SCN10A: variants seen among roughly 807,000 people sequenced by gnomAD.
SCN10A encodes sodium channel protein type 10 subunit alpha.
SCN10A carries 162 observed loss-of-function variants against 170.7 expected under a neutral mutation model. The observed-to-expected ratio is 0.95, with a 90% CI of 0.84 to 1.08. The LOEUF is 1.08. Among genes scored for constraint, SCN10A ranks in the 50% least tolerant of loss-of-function variants. The pLI is 0.00. For missense variants in SCN10A, 2,527 were observed against 2,436.9 expected (o/e 1.04, Z -0.78); for synonymous variants, 985 against 904.6 (o/e 1.09, Z -1.59).
At chr3:38,737,128 G>A (rs1185324566) in intron 15 of SCN10A, among the ~76,000 whole-genome samples, 7 of 149,378 alleles carry the variant, frequency 4.7e-5, no homozygotes, top group African/African-American at 1.0e-4. Flanking sequence ...CCGCCACCGT[G>A]CCCGGCTAAT....
Position 38,761,236 on chromosome 3 carries a change from T to A in SCN10A, c.839A>T (p.Asp280Val). 1 of 1,609,854 alleles carries A rather than the reference T, an allele frequency of 6.2e-7. No individual in the cohort carries two copies. Residue 280 changes from aspartate to valine, a missense_variant, in exon 7 of 28, where the codon GAC (aspartate) becomes GTC (valine). By Grantham distance (152) the Asp-to-Val change is radical (BLOSUM62 -3). Transcript: ENST00000449082. ...GTTGGTTGTCTCATTGACAGCCATG[T>A]CATTCTTGACACATTTATTTTTGAG... ...GNLKNKCVKN[D>V]MAVNETTNYS...
intron 17 of SCN10A, 53 bp downstream of exon 17, chr3:38,726,553 G>C: frequency 7.0e-7 from 1 of 1,418,992 alleles, no homozygotes; most frequent in Non-Finnish European, 9.6e-7. Context: ...TGTCACTCAA[G>C]CCCTGAAGCC....
intron 3 of SCN10A, among the ~76,000 whole-genome samples, chr3:38,789,702 G>A (rs2064255639): frequency 6.6e-6 from 1 of 152,080 alleles, no homozygotes; most frequent in Non-Finnish European, 1.5e-5. Context: ...GGCTGGAGTG[G>A]AGAACTCTGA....
At chr3:38,792,201 A>G in intron 2 of SCN10A, 33 bp from the exon 3 acceptor site, 1 of 1,609,464 alleles carries the variant, frequency 6.2e-7, no homozygotes, top group Non-Finnish European at 8.5e-7. Context: ...GTGGACCTCC[A>G]ATGAGAAACA....
At chr3:38,794,145 C>T in intron 1 of SCN10A, 103 bp from the exon 2 acceptor site, 1 of 795,366 alleles carries the variant, frequency 1.3e-6, no homozygotes, top group Non-Finnish European at 2.0e-6. Context: ...TTCTCCCACC[C>T]TCATATCTGG....
intron 1 of SCN10A, among the ~76,000 whole-genome samples, chr3:38,802,994 T>A (rs1429893225): frequency 2.0e-5 from 3 of 152,080 alleles, no homozygotes; most frequent in Non-Finnish European, 4.4e-5. Flanking sequence ...GCAAAGGATA[T>A]GAACAGATAC....
intron 10 of SCN10A, among the ~76,000 whole-genome samples, chr3:38,756,357 A>C (rs928068269): frequency 6.6e-6 from 1 of 151,464 alleles, no homozygotes; most frequent in African/African-American, 2.4e-5. Flanking sequence ...GGTACAGGTC[A>C]TGCCCCAGAG....
rs56654680 is a variant in SCN10A at position 38,750,889 on chromosome 3, A to G, written c.1756-705T>C. 2.0e-5 allele frequency among the ~76,000 whole-genome samples: 3 copies of G among 152,216 alleles called. No homozygotes were observed. In the East Asian group the frequency reaches 5.8e-4, roughly 29 times the overall value. On this transcript the variant is annotated intron_variant, in intron 12 of 27. Coordinates refer to ENST00000449082, the MANE Select transcript of SCN10A (RefSeq NM_006514.4). ...GAGGCATAAATGCCTTCAGTGAGGC[A>G]TTTTCTAGAGTGCTAATGCACTCCC...
intron 26 of SCN10A, among the ~76,000 whole-genome samples, chr3:38,706,582 G>A (rs1247595332): frequency 6.6e-6 from 1 of 152,130 alleles, no homozygotes; most frequent in African/African-American, 2.4e-5. Context: ...CTATCTTAGG[G>A]CCTCTCAGAG....
At chr3:38,727,559 G>T (rs751799865) in intron 16 of SCN10A, among the ~76,000 whole-genome samples, 1 of 152,204 alleles carries the variant, frequency 6.6e-6, no homozygotes, top group Non-Finnish European at 1.5e-5. Context: ...GGGATGGTGG[G>T]CTCAGCCTGG....
chr3:38,776,173 G>A (rs1288323607), intron 4 of SCN10A, among the ~76,000 whole-genome samples: 3 of 152,044 alleles, frequency 2.0e-5, no homozygotes, highest in Non-Finnish European at 4.4e-5. Context: ...ATTATTCATT[G>A]TCATGGCTCC....
rs1362320697 is a variant in SCN10A, at chr3:38,756,818, G to C, written c.1146C>G (p.Phe382Leu). Reference sequence around the variant, plus strand: ...AGTTGACCAGGTAGAAAGATCCCAGGAAGATTACGAGCACAAAAAAGATCA... The same window carrying C: ...AGTTGACCAGGTAGAAAGATCCCAGCAAGATTACGAGCACAAAAAAGATCA... The part of the protein sequence containing the change: ...IYMIFFVLVI[F>L]LGSFYLVNLI... Residue 382 changes from phenylalanine to leucine, a missense_variant, in exon 10 of 28, where the codon TTC becomes TTG. Coordinates refer to ENST00000449082, the MANE Select transcript of SCN10A (RefSeq NM_006514.4). 1 of 1,614,190 alleles carries C rather than the reference G, an allele frequency of 6.2e-7. No individual in the cohort carries two copies. Among genetic ancestry groups the C allele is most frequent in the Admixed American group, 1.7e-5 (1 of 60,022 alleles).
intron 19 of SCN10A, among the ~76,000 whole-genome samples, chr3:38,722,979 C>T (rs940632888): frequency 6.6e-6 from 1 of 152,240 alleles, no homozygotes; most frequent in Non-Finnish European, 1.5e-5. Flanking sequence ...ATGTGCCTCA[C>T]TGTTCTAAAC....
At chr3:38,752,192 G>T in intron 12 of SCN10A, 27 bp downstream of exon 12, 1 of 1,480,592 alleles carries the variant, frequency 6.8e-7, no homozygotes, top group Non-Finnish European at 9.0e-7. Flanking sequence ...GACAGCCTGA[G>T]GGAGTCTGAA....
intron 14 of SCN10A, among the ~76,000 whole-genome samples, chr3:38,741,423 C>T (rs1559436555): frequency 6.6e-6 from 1 of 152,182 alleles, no homozygotes; most frequent in Non-Finnish European, 1.5e-5. Flanking sequence ...AAACTCAACT[C>T]TATGATCTTG....
intron 25 of SCN10A, among the ~76,000 whole-genome samples, chr3:38,708,008 G>C (rs943456493): frequency 9.9e-5 from 15 of 152,260 alleles, no homozygotes; most frequent in African/African-American, 3.6e-4. Context: ...TTTTTCTTTA[G>C]GGGCCCTTTG....
intron 3 of SCN10A, among the ~76,000 whole-genome samples, chr3:38,789,443 T>A (rs969584337): frequency 2.0e-5 from 3 of 152,140 alleles, no homozygotes; most frequent in Non-Finnish European, 4.4e-5. Context: ...AAGCCTTCAT[T>A]TCAGTATACA....
intron 1 of SCN10A, among the ~76,000 whole-genome samples, chr3:38,795,347 C>CT (rs1219351048): frequency 0.025 from 3,251 of 127,764 alleles, 157 homozygotes; most frequent in African/African-American, 0.091. Flanking sequence ...TTTTCTTTTT[C>CT]TTTTTTTTTT....
intron 14 of SCN10A, among the ~76,000 whole-genome samples, chr3:38,741,103 G>A (rs1283322321): frequency 3.3e-5 from 5 of 152,114 alleles, no homozygotes; most frequent in South Asian, 2.1e-4. Context: ...CTAGGGACAA[G>A]TAGTCACATT....
Sources: gnomAD v4.1 joint callset for allele counts (sites outside exome capture counted in the v4.1 genomes callset) on GRCh38, gnomAD v4.1.1 for gene constraint, MANE v1.5 for transcripts, NCBI Gene and HGNC (gene_info 2026-07-23, HGNC 2026-07-21) for gene names.